The following GTF2IRD1 variants were observed in gnomAD, a reference collection of about 807,000 sequenced individuals.
The protein encoded by GTF2IRD1 is GTF2I repeat domain containing 1.
A neutral mutation model predicts 113.2 loss-of-function variants in GTF2IRD1; 26 were observed. The observed-to-expected ratio is 0.23, with a 90% CI of 0.17 to 0.32. The LOEUF is 0.32. Ranked by LOEUF, GTF2IRD1 falls within the 10% of genes least tolerant of loss-of-function variation. The probability of loss-of-function intolerance (pLI) is 1.00; values close to 1 mark genes in which losing one functional copy is unlikely to be tolerated. For missense variants in GTF2IRD1, 864 were observed against 1,280.8 expected (o/e 0.67, Z 4.97); for synonymous variants, 484 against 529.1 (o/e 0.91, Z 1.17).
chr7:74,456,760 A>G (rs566637651), intron 1 of GTF2IRD1, among the ~76,000 whole-genome samples: 1 of 151,786 alleles, frequency 6.6e-6, no homozygotes, highest in East Asian at 1.9e-4. Flanking sequence ...TGGCCTCTGC[A>G]CACACAGTTC....
chr7:74,507,226 C>G (rs1554341324), intron 1 of GTF2IRD1: 1 of 152,272 alleles, frequency 6.6e-6, no homozygotes. Flanking sequence ...GTATTTCCAA[C>G]ACTTTGGGAG....
In GTF2IRD1 at chr7:74,573,595, C is replaced by T. The variant is rs62475385; in HGVS notation, c.2320+13940C>T. Among the ~76,000 whole-genome samples the T allele has an allele frequency of 5.0e-3, 765 of 152,190 alleles. 3 individuals carry two copies. The highest frequency in any genetic ancestry group is 8.4e-3 in the Non-Finnish European group (572 of 68,010). ...ATTTGGGCTGGAATGAGATCAGCACCGAGGGGTCGCCAGGCACCTTGTGCA... is the reference window on the plus strand; with the variant it reads ...ATTTGGGCTGGAATGAGATCAGCACTGAGGGGTCGCCAGGCACCTTGTGCA... On this transcript the variant is annotated intron_variant, in intron 22 of 26. Coordinates refer to ENST00000424337, the MANE Select transcript of GTF2IRD1 (RefSeq NM_005685.4).
At chr7:74,516,113 G>T (rs1194045154) in intron 4 of GTF2IRD1, among the ~76,000 whole-genome samples, 1 of 152,194 alleles carries the variant, frequency 6.6e-6, no homozygotes, top group Non-Finnish European at 1.5e-5. Context: ...TCCAGCACTC[G>T]CTGGTGCATT....
intron 13 of GTF2IRD1, 58 bp downstream of exon 13, chr7:74,538,818 C>A: frequency 1.1e-6 from 1 of 924,580 alleles, no homozygotes; most frequent in Non-Finnish European, 1.8e-6. Flanking sequence ...CGTTAGCCTC[C>A]TGAGGGTCTG....
chr7:74,542,095 C>CA (rs781834327), intron 14 of GTF2IRD1, among the ~76,000 whole-genome samples: 1,596 of 130,534 alleles, frequency 0.012, 16 homozygotes, highest in African/African-American at 0.032. Context: ...GACACCATCT[C>CA]AAAAAAAAAA....
chr7:74,454,368 G>A (rs1325237611), intron 1 of GTF2IRD1, among the ~76,000 whole-genome samples, 192 bp downstream of exon 1: 2 of 151,706 alleles, frequency 1.3e-5, no homozygotes, highest in African/African-American at 2.4e-5. Context: ...GGGCCCGGGG[G>A]GAGGGGAGGG....
At chr7:74,510,587 G>C (rs987922999) in intron 2 of GTF2IRD1, among the ~76,000 whole-genome samples, 30 of 152,008 alleles carry the variant, frequency 2.0e-4, no homozygotes, top group Non-Finnish European at 3.1e-4. Flanking sequence ...GGGATTACAG[G>C]TGTGAGCCAC....
chr7:74,545,207 C>G (rs1343760694), intron 15 of GTF2IRD1, among the ~76,000 whole-genome samples: 3 of 152,120 alleles, frequency 2.0e-5, no homozygotes, highest in Non-Finnish European at 4.4e-5. Flanking sequence ...TGAGAATTCC[C>G]TCCCTGCTGA....
At chr7:74,543,872 CAAAAA>C (rs782039486) in intron 14 of GTF2IRD1, among the ~76,000 whole-genome samples, 1 of 34,590 alleles carries the variant, frequency 2.9e-5, no homozygotes. Context: ...CCCATCTCTA[CAAAAA>C]AAAAAAAAAA....
At chr7:74,594,421 T>G (rs1254712440) in intron 24 of GTF2IRD1, among the ~76,000 whole-genome samples, 1 of 152,022 alleles carries the variant, frequency 6.6e-6, no homozygotes, top group Admixed American at 6.6e-5. Context: ...AATATCCACT[T>G]GCATAAATCT....
chr7:74,566,006 AACACACACACAC>A (rs66556824), intron 22 of GTF2IRD1, among the ~76,000 whole-genome samples: 24 of 143,114 alleles, frequency 1.7e-4, no homozygotes, highest in African/African-American at 5.7e-4. Context: ...AAGACACACA[AACACACACACAC>A]ACACACACAC....
chr7:74,556,586 T>C (rs2096633889), intron 19 of GTF2IRD1, among the ~76,000 whole-genome samples: 1 of 148,826 alleles, frequency 6.7e-6, no homozygotes, highest in Non-Finnish European at 1.5e-5. Context: ...CCTCCCAAAG[T>C]GTTGGGATTA....
At chr7:74,535,275 T>C (rs949428745) in intron 10 of GTF2IRD1, 137 bp downstream of exon 10, 3 of 742,012 alleles carry the variant, frequency 4.0e-6, no homozygotes, top group Non-Finnish European at 5.0e-6. Context: ...GTGGTTTCTG[T>C]GTCCTGGGAC....
chr7:74,566,740 G>T (rs1355003931), intron 22 of GTF2IRD1, among the ~76,000 whole-genome samples: 4 of 152,220 alleles, frequency 2.6e-5, no homozygotes, highest in Non-Finnish European at 4.4e-5. Flanking sequence ...GGCTCAGAGA[G>T]ATTAAGCAGC....
chr7:74,485,399 C>T (rs568888010), intron 1 of GTF2IRD1, among the ~76,000 whole-genome samples: 1 of 152,018 alleles, frequency 6.6e-6, no homozygotes, highest in Admixed American at 6.6e-5. Flanking sequence ...GGGCGGATCA[C>T]GAGGTCAGGA....
chr7:74,489,692 C>T (rs1162455122), intron 1 of GTF2IRD1, among the ~76,000 whole-genome samples: 1 of 152,150 alleles, frequency 6.6e-6, no homozygotes, highest in Non-Finnish European at 1.5e-5. Flanking sequence ...AGAAGTCCCT[C>T]ATGTCTCAGT....
chr7:74,547,597 C>T (rs1799023911), intron 17 of GTF2IRD1, among the ~76,000 whole-genome samples: 1 of 151,790 alleles, frequency 6.6e-6, no homozygotes, highest in African/African-American at 2.4e-5. Context: ...CGCCACCACG[C>T]CCGGCTAATT....
At chr7:74,492,959 G>T (rs534227868) in intron 1 of GTF2IRD1, among the ~76,000 whole-genome samples, 1 of 152,162 alleles carries the variant, frequency 6.6e-6, no homozygotes, top group South Asian at 2.1e-4. Context: ...TGTTTGTAGA[G>T]CTGGGGTCTT....
At chr7:74,592,248 C>T (rs1282871057) in intron 24 of GTF2IRD1, among the ~76,000 whole-genome samples, 3 of 151,614 alleles carry the variant, frequency 2.0e-5, no homozygotes, top group Non-Finnish European at 2.9e-5. Flanking sequence ...TACAGGCACA[C>T]GCTACCACAC....
Sources: allele counts gnomAD v4.1 joint callset (sites outside exome capture counted in the v4.1 genomes callset), GRCh38; gene constraint gnomAD v4.1.1; transcripts MANE v1.5; gene names NCBI Gene and HGNC (gene_info 2026-07-23, HGNC 2026-07-21).